The following PITPNC1 variants were observed in gnomAD, a reference collection of about 807,000 sequenced individuals.
PITPNC1 encodes the protein phosphatidylinositol transfer protein cytoplasmic 1, also known as cytoplasmic phosphatidylinositol transfer protein 1.
A neutral mutation model predicts 44.7 loss-of-function variants in PITPNC1; 18 were observed. That is an observed-to-expected ratio of 0.40 (90% confidence interval 0.28 to 0.60). The LOEUF is 0.60. Among genes scored for constraint, PITPNC1 ranks in the 20% least tolerant of loss-of-function variants. The probability of loss-of-function intolerance (pLI) is 0.39; values close to 1 mark genes in which losing one functional copy is unlikely to be tolerated. For synonymous variants in PITPNC1, 141 were observed against 149.6 expected, an observed-to-expected ratio of 0.94 and a Z score of 0.42; for missense variants, 290 against 418.4, an observed-to-expected ratio of 0.69 and a Z score of 2.68.
At chr17:67,392,241 A>C (rs575528548) in intron 1 of PITPNC1, among the ~76,000 whole-genome samples, 5 of 152,300 alleles carry the variant, frequency 3.3e-5, no homozygotes, top group African/African-American at 1.2e-4. Flanking sequence ...GAAGGTATTA[A>C]AAATGATCAG....
intron 1 of PITPNC1, among the ~76,000 whole-genome samples, chr17:67,438,625 T>C (rs1332802812): frequency 2.0e-5 from 3 of 152,206 alleles, no homozygotes; most frequent in Non-Finnish European, 4.4e-5. Context: ...TGGGCCTAAG[T>C]GACTTTCTAA....
In PITPNC1 at chr17:67,695,626, AT is replaced by A. The variant is rs1315944341; in HGVS notation, c.*2739del. 24 of 147,896 alleles carry A rather than the reference AT, an allele frequency of 1.6e-4. No homozygotes were observed. Among genetic ancestry groups the A allele is most frequent in the Admixed American group, 4.7e-4 (7 of 14,740 alleles). The allele number at this position is 147,896 out of a possible 1,614,324, so 9.2% of individuals were successfully genotyped here. A position where few individuals can be genotyped will look rare whatever the true frequency, so the allele number is the denominator to read the frequency against. ...CCTGTGTATATATATATATATATAT[AT>A]ATATAAATATAAATATAGTATAGTG... On this transcript the variant is annotated 3_prime_UTR_variant, in exon 9 of 9. Transcript: ENST00000581322.
At chr17:67,573,018 T>G (rs1003874032) in intron 4 of PITPNC1, among the ~76,000 whole-genome samples, 1 of 152,210 alleles carries the variant, frequency 6.6e-6, no homozygotes, top group Non-Finnish European at 1.5e-5. Context: ...TGCCAACACC[T>G]TGGTTTCAGG....
chr17:67,624,703 A>G (rs1258442982), intron 5 of PITPNC1, among the ~76,000 whole-genome samples: 2 of 151,850 alleles, frequency 1.3e-5, no homozygotes, highest in Non-Finnish European at 2.9e-5. Context: ...TGTATTTTTT[A>G]ATAGAGACTG....
At chr17:67,483,398 T>C (rs2039729853) in intron 1 of PITPNC1, among the ~76,000 whole-genome samples, 1 of 152,208 alleles carries the variant, frequency 6.6e-6, no homozygotes, top group Non-Finnish European at 1.5e-5. Context: ...TTTTTATTGG[T>C]TTACCTTGCC....
chr17:67,635,554 A>T (rs4791278), intron 6 of PITPNC1, among the ~76,000 whole-genome samples: 12 of 151,900 alleles, frequency 7.9e-5, no homozygotes, highest in Non-Finnish European at 1.3e-4. Flanking sequence ...CCAATTTGAG[A>T]GTATTTGGCG....
intron 1 of PITPNC1, among the ~76,000 whole-genome samples, chr17:67,448,826 C>A (rs1489187660): frequency 6.6e-6 from 1 of 152,228 alleles, no homozygotes; most frequent in Non-Finnish European, 1.5e-5. Flanking sequence ...GTCACCCAGG[C>A]TGGAGTGCAG....
intron 1 of PITPNC1, among the ~76,000 whole-genome samples, chr17:67,485,346 C>T (rs979867340): frequency 1.3e-5 from 2 of 149,440 alleles, no homozygotes; most frequent in African/African-American, 4.9e-5. Context: ...GAATTGTGTA[C>T]TGAGAGTCAT....
chr17:67,445,047 T>C (rs1159806722), intron 1 of PITPNC1, among the ~76,000 whole-genome samples: 1 of 151,736 alleles, frequency 6.6e-6, no homozygotes, highest in African/African-American at 2.4e-5. Flanking sequence ...GTGTGGATGA[T>C]TTTAGGGAGG....
chr17:67,564,877 AG>A (rs1389841483), intron 4 of PITPNC1, among the ~76,000 whole-genome samples: 4 of 152,326 alleles, frequency 2.6e-5, no homozygotes, highest in Non-Finnish European at 5.9e-5. Flanking sequence ...AGAAAATAAA[AG>A]AACTTCATAA....
intron 6 of PITPNC1, among the ~76,000 whole-genome samples, chr17:67,645,407 G>C (rs77854440): frequency 0.08 from 12,142 of 151,798 alleles, 678 homozygotes; most frequent in Non-Finnish European, 0.12. Flanking sequence ...AGGAGCTCCT[G>C]GTTAAGATGA....
At chr17:67,678,531 C>T (rs1342438071) in intron 8 of PITPNC1, among the ~76,000 whole-genome samples, 1 of 152,170 alleles carries the variant, frequency 6.6e-6, no homozygotes, top group Non-Finnish European at 1.5e-5. Context: ...TTTCACTCAG[C>T]AGTGGTCTGA....
Position 67,693,220 on chromosome 17 carries a change from T to C in PITPNC1, c.*332T>C. On this transcript the variant is annotated 3_prime_UTR_variant, in exon 9 of 9. Coordinates refer to ENST00000581322, the MANE Select transcript of PITPNC1 (RefSeq NM_012417.4). Reference sequence around the variant, plus strand: ...TAAATGAATGAAAACTTTGCACCACTTTTGTTACAAGGTACGGTAGAAAAT... The same window carrying C: ...TAAATGAATGAAAACTTTGCACCACCTTTGTTACAAGGTACGGTAGAAAAT... 1 of 218,326 alleles carries C rather than the reference T, an allele frequency of 4.6e-6. No individual in the cohort carries two copies. The highest frequency in any genetic ancestry group is 1.0e-4 in the East Asian group (1 of 9,560). The allele number at this position is 218,326 out of a possible 1,614,324, so 13.5% of individuals were successfully genotyped here.
chr17:67,537,334 C>T (rs1207381785), intron 2 of PITPNC1, among the ~76,000 whole-genome samples: 2 of 152,076 alleles, frequency 1.3e-5, no homozygotes, highest in Non-Finnish European at 2.9e-5. Flanking sequence ...CAGCTGTTAA[C>T]ATCAATATGA....
intron 2 of PITPNC1, among the ~76,000 whole-genome samples, chr17:67,539,305 T>G (rs1364712681): frequency 6.6e-6 from 1 of 152,216 alleles, no homozygotes; most frequent in African/African-American, 2.4e-5. Context: ...AACAATTATA[T>G]TTCTAGGTAG....
chr17:67,495,574 CCT>C (rs2039942344), intron 1 of PITPNC1, among the ~76,000 whole-genome samples: 1 of 152,100 alleles, frequency 6.6e-6, no homozygotes. Flanking sequence ...CTGTTGTTCC[CCT>C]CTTTGTGTCC....
In PITPNC1 at chr17:67,631,560, C is replaced by A. The variant is rs1278904759; in HGVS notation, c.367-583C>A. Among the ~76,000 whole-genome samples the A allele has an allele frequency of 4.2e-5, 5 of 117,926 alleles. No individual in the cohort carries two copies. The Admixed American group carries it at 4.8e-4, about 11-fold the overall frequency. 77.4% of individuals were successfully genotyped at this position (117,926 alleles called of 152,430 possible). On this transcript the variant is annotated intron_variant, in intron 5 of 8. Transcript: ENST00000581322. ...AGGAGAATGGCATGAACCCAAGAGG[C>A]GGAGCTTGCAGTGAGCCGGGATAGC...
chr17:67,599,032 ATATTTTT>A (rs1233074603), intron 5 of PITPNC1, among the ~76,000 whole-genome samples: 49 of 29,254 alleles, frequency 1.7e-3, no homozygotes, highest in African/African-American at 4.7e-3. Context: ...ATATATATAT[ATATTTTT>A]TTTTTTTTTT....
chr17:67,547,098 G>C (rs2040695173), intron 2 of PITPNC1, among the ~76,000 whole-genome samples: 1 of 152,186 alleles, frequency 6.6e-6, no homozygotes, highest in Admixed American at 6.5e-5. Context: ...TATGAAGGTA[G>C]CAGAGTTCTA....
Sources: allele counts gnomAD v4.1 joint callset (sites outside exome capture counted in the v4.1 genomes callset), GRCh38; gene constraint gnomAD v4.1.1; transcripts MANE v1.5; gene names NCBI Gene and HGNC (gene_info 2026-07-23, HGNC 2026-07-21).